The following ABCD2 variants were observed in gnomAD, a reference collection of about 807,000 sequenced individuals.
ABCD2 encodes the protein ATP binding cassette subfamily D member 2, also known as ATP-binding cassette sub-family D member 2.
A neutral mutation model predicts 70.9 loss-of-function variants in ABCD2; 36 were observed. That is an observed-to-expected ratio of 0.51 (90% CI 0.39 to 0.67). ABCD2 has a LOEUF of 0.67. Among genes scored for constraint, ABCD2 ranks in the 30% least tolerant of loss-of-function variants. The pLI is 0.00. For missense variants in ABCD2, 729 were observed against 890.2 expected, an observed-to-expected ratio of 0.82 and a Z score of 2.30; for synonymous variants, 304 against 306.9, an observed-to-expected ratio of 0.99 and a Z score of 0.10.
intron 7 of ABCD2, among the ~76,000 whole-genome samples, chr12:39,581,594 TGTAA>T (rs1566556555): frequency 6.6e-6 from 1 of 152,202 alleles, no homozygotes; most frequent in African/African-American, 2.4e-5. Context: ...ATTTATGAAA[TGTAA>T]GTGATGATTT....
chr12:39,585,464 G>T (rs1194265370), intron 7 of ABCD2, among the ~76,000 whole-genome samples: 1 of 151,976 alleles, frequency 6.6e-6, no homozygotes, highest in African/African-American at 2.4e-5. Flanking sequence ...CTGCAAGCAG[G>T]GATAGTTTGA....
downstream of ABCD2, among the ~76,000 whole-genome samples, chr12:39,547,861 G>A (rs925915848): frequency 6.6e-6 from 1 of 151,996 alleles, no homozygotes; most frequent in South Asian, 2.1e-4. Flanking sequence ...AAATATTTAT[G>A]CTGCTTTGTA....
the ABCD2 span, among the ~76,000 whole-genome samples, chr12:39,534,752 G>GA: frequency 1.4e-5 from 1 of 71,766 alleles, no homozygotes; most frequent in African/African-American, 5.1e-5. Flanking sequence ...AGGAAGGAAA[G>GA]AAAGAAAGAG....
At chr12:39,538,764 A>G in the ABCD2 span, among the ~76,000 whole-genome samples, 1 of 152,210 alleles carries the variant, frequency 6.6e-6, no homozygotes, top group Non-Finnish European at 1.5e-5. Flanking sequence ...CGTCAGCAAG[A>G]TAGCAGAAGC....
chr12:39,566,793 C>T (rs1395527535), intron 9 of ABCD2, among the ~76,000 whole-genome samples: 1 of 152,218 alleles, frequency 6.6e-6, no homozygotes, highest in Non-Finnish European at 1.5e-5. Context: ...CCTCTACACA[C>T]TGCTTTGAAT....
chr12:39,580,710 T>C (rs1941585282), intron 7 of ABCD2, among the ~76,000 whole-genome samples: 1 of 152,178 alleles, frequency 6.6e-6, no homozygotes, highest in African/African-American at 2.4e-5. Context: ...ACCTAACAGA[T>C]ACTTACAGCA....
At chr12:39,589,622 C>T (rs1425088033) in intron 6 of ABCD2, among the ~76,000 whole-genome samples, 2 of 151,948 alleles carry the variant, frequency 1.3e-5, no homozygotes, top group Non-Finnish European at 2.9e-5. Context: ...CTCCTGACCT[C>T]GTGTTCCGCC....
At chr12:39,538,163 C>CT in the ABCD2 span, among the ~76,000 whole-genome samples, 3 of 144,198 alleles carry the variant, frequency 2.1e-5, no homozygotes, top group African/African-American at 7.7e-5. Flanking sequence ...CTTTCATTTT[C>CT]TTTCTTTCTT....
intron 1 of ABCD2, 121 bp downstream of exon 1, chr12:39,618,556 T>A: frequency 1.2e-6 from 1 of 825,408 alleles, no homozygotes; most frequent in Non-Finnish European, 1.9e-6. Flanking sequence ...GGTTTAGATG[T>A]CAGAGGAATC....
chr12:39,576,898 A>G (rs1941525573), intron 8 of ABCD2, among the ~76,000 whole-genome samples: 1 of 152,194 alleles, frequency 6.6e-6, no homozygotes, highest in Non-Finnish European at 1.5e-5. Flanking sequence ...TATTTAGTAT[A>G]TAAACTTTAG....
intron 5 of ABCD2, 105 bp from the exon 6 acceptor site, chr12:39,600,821 C>A: frequency 9.6e-7 from 1 of 1,040,844 alleles, no homozygotes; most frequent in Non-Finnish European, 1.4e-6. Flanking sequence ...ACATGATAAC[C>A]TAGGTTGGGC....
At chr12:39,567,872 C>T (rs1941381223) in intron 9 of ABCD2, among the ~76,000 whole-genome samples, 1 of 152,114 alleles carries the variant, frequency 6.6e-6, no homozygotes, top group Non-Finnish European at 1.5e-5. Flanking sequence ...TTTGATTTCT[C>T]CTTCACTTAT....
chr12:39,574,424 A>G (rs979004536), intron 8 of ABCD2, among the ~76,000 whole-genome samples: 1 of 152,166 alleles, frequency 6.6e-6, no homozygotes, highest in African/African-American at 2.4e-5. Flanking sequence ...TAGGAGGAAA[A>G]GTAAATATTT....
chr12:39,603,346 G>T (rs1941926152), intron 5 of ABCD2, among the ~76,000 whole-genome samples: 1 of 151,948 alleles, frequency 6.6e-6, no homozygotes, highest in Admixed American at 6.6e-5. Context: ...AGAGAGTCAG[G>T]TTTATTAGAT....
At chr12:39,618,539 T>C (rs2120798487) in intron 1 of ABCD2, 138 bp downstream of exon 1, 1 of 730,202 alleles carries the variant, frequency 1.4e-6, no homozygotes, top group Non-Finnish European at 2.2e-6. Context: ...GCATATATTT[T>C]AATTCAGGTT....
intron 8 of ABCD2, among the ~76,000 whole-genome samples, chr12:39,577,671 A>G (rs551391909): frequency 5.9e-5 from 9 of 152,322 alleles, no homozygotes; most frequent in African/African-American, 2.2e-4. Flanking sequence ...CATATATTAA[A>G]TAACTTTAAA....
At chr12:39,602,901 C>A (rs1941920475) in intron 5 of ABCD2, among the ~76,000 whole-genome samples, 1 of 151,984 alleles carries the variant, frequency 6.6e-6, no homozygotes, top group African/African-American at 2.4e-5. Context: ...ATTATGAAAC[C>A]ATTAATAAAT....
intron 6 of ABCD2, among the ~76,000 whole-genome samples, chr12:39,592,888 T>C (rs1230443768): frequency 6.6e-6 from 1 of 152,142 alleles, no homozygotes; most frequent in African/African-American, 2.4e-5. Flanking sequence ...ATAGGAAAAT[T>C]GAGATTAAGA....
chr12:39,557,486 C>CT (rs924935371), intron 9 of ABCD2, among the ~76,000 whole-genome samples: 1 of 152,136 alleles, frequency 6.6e-6, no homozygotes. Context: ...AGAAAAACCC[C>CT]TTTTCTTGGG....
Sources: gnomAD v4.1 joint callset for allele counts (sites outside exome capture counted in the v4.1 genomes callset) on GRCh38, gnomAD v4.1.1 for gene constraint, MANE v1.5 for transcripts, NCBI Gene and HGNC (gene_info 2026-07-23, HGNC 2026-07-21) for gene names.